The following FAM8A1 variants were observed in gnomAD, a reference collection of about 807,000 sequenced individuals.
FAM8A1 encodes protein FAM8A1.
In FAM8A1, 18 loss-of-function variants were observed where a neutral mutation model predicts 38.3. The ratio of observed to expected loss-of-function variants is 0.47; its 90% CI spans 0.33 to 0.70. FAM8A1 has a LOEUF of 0.70. Among genes scored for constraint, FAM8A1 ranks in the 30% least tolerant of loss-of-function variants. The pLI is 0.03. For missense variants in FAM8A1, 559 were observed against 559.6 expected (o/e 1.00, Z 0.01); for synonymous variants, 246 against 234.4 (o/e 1.05, Z -0.45).
At chr6:17,607,449 A>G (rs1395675546) in intron 4 of FAM8A1, among the ~76,000 whole-genome samples, 2 of 43,674 alleles carry the variant, frequency 4.6e-5, no homozygotes, top group Non-Finnish European at 1.1e-4. Flanking sequence ...ATAGTATCAT[A>G]AGATACTATA....
intron 4 of FAM8A1, among the ~76,000 whole-genome samples, chr6:17,606,447 G>A (rs550057648): frequency 6.4e-4 from 97 of 152,202 alleles, no homozygotes; most frequent in Non-Finnish European, 9.9e-4. Flanking sequence ...TGATCCACCC[G>A]CCTCCGCCTC....
chr6:17,601,228 T>C, intron 1 of FAM8A1, 107 bp downstream of exon 1: 2 of 1,393,472 alleles, frequency 1.4e-6, no homozygotes, highest in East Asian at 2.5e-5. Context: ...CTACTCTGAT[T>C]GACTATCCTG....
intron 3 of FAM8A1, 104 bp downstream of exon 3, chr6:17,605,133 T>C (rs907363717): frequency 2.9e-6 from 3 of 1,032,842 alleles, no homozygotes; most frequent in Non-Finnish European, 4.0e-6. Context: ...CAGGCTGGAG[T>C]GCAGTGGTGT....
At position 17,600,924 on chromosome 6, in the gene FAM8A1, A is replaced by C; in HGVS notation, c.515A>C (p.Tyr172Ser). Residue 172 changes from tyrosine (Y) to serine (S), a missense_variant, in exon 1 of 5, where the codon TAC (tyrosine) becomes TCC (serine). By Grantham distance (144) the Tyr-to-Ser change is moderately radical (BLOSUM62 -2). Around this residue, in one of 2 missense-constraint regions of FAM8A1, gnomAD observed 393 missense variants for 338.9 expected, o/e 1.16. Coordinates refer to ENST00000259963, the MANE Select transcript of FAM8A1 (RefSeq NM_016255.3). Reference protein sequence around the residue: ...AAPPPPQLGYYNPFYFLSPGA... With the variant: ...AAPPPPQLGYSNPFYFLSPGA... ...CCGCCGCCCCCGCAGCTGGGCTATT[A>C]CAACCCCTTCTACTTCCTGAGCCCC... 6.3e-7 allele frequency: 1 copy of C among 1,593,416 alleles called. No individual in the cohort carries two copies. The highest frequency in any genetic ancestry group is 8.5e-7 in the Non-Finnish European group (1 of 1,172,592).
At chr6:17,602,758 G>T in intron 2 of FAM8A1, 48 bp downstream of exon 2, 1 of 1,569,030 alleles carries the variant, frequency 6.4e-7, no homozygotes, top group Non-Finnish European at 8.6e-7. Context: ...ACTGTTTAAT[G>T]ATCTTGTTTT....
chr6:17,606,480 G>A (rs1764055025), intron 4 of FAM8A1, among the ~76,000 whole-genome samples: 3 of 152,148 alleles, frequency 2.0e-5, no homozygotes, highest in Admixed American at 2.0e-4. Context: ...GATTACAGAC[G>A]TGAGCCACCA....
intron 2 of FAM8A1, among the ~76,000 whole-genome samples, chr6:17,602,967 A>G (rs569124284): frequency 1.3e-5 from 2 of 152,334 alleles, no homozygotes; most frequent in South Asian, 4.1e-4. Context: ...AGAGCCTCCA[A>G]ACCTGCTTTG....
rs746293741 is a variant in FAM8A1, at chr6:17,600,594, C to G, written c.185C>G (p.Ala62Gly). 6 of 1,491,860 alleles carry G rather than the reference C, an allele frequency of 4.0e-6. No individual in the cohort carries two copies. Among genetic ancestry groups the G allele is most frequent in the Admixed American group, 2.5e-5 (1 of 40,346 alleles). 92.4% of individuals were successfully genotyped at this position (1,491,860 alleles called of 1,614,324 possible). A position where few individuals can be genotyped will look rare whatever the true frequency, so the allele number is the denominator to read the frequency against. ...ACAGCCCCGGGCCTCGCGGCTGCCG[C>G]CGCAGCCGACAAATTGGAGCCGCCG... ...RPTAPGLAAA[A>G]AADKLEPPRE... Residue 62 changes from alanine to glycine, a missense_variant, in exon 1 of 5, where the codon GCC (alanine) becomes GGC (glycine). Transcript: ENST00000259963.
chr6:17,604,872 ATTAT>A, intron 2 of FAM8A1, 30 bp from the exon 3 acceptor site: 1 of 1,526,634 alleles, frequency 6.6e-7, no homozygotes, highest in Non-Finnish European at 8.8e-7. Flanking sequence ...CTGGTAACTA[ATTAT>A]TTATAACCCC....
At chr6:17,602,757 T>C (rs1340442874) in intron 2 of FAM8A1, 47 bp downstream of exon 2, 3 of 1,572,174 alleles carry the variant, frequency 1.9e-6, no homozygotes, top group Non-Finnish European at 2.6e-6. Flanking sequence ...TACTGTTTAA[T>C]GATCTTGTTT....
rs1480433064 is a variant in FAM8A1, at chr6:17,600,504, C to T, written c.95C>T (p.Pro32Leu). ...HEPVPSLRGP[P>L]TTAVPCPRDD... is the part of the protein sequence containing the mutation. ...CCCGTCCCTTCCCTGAGAGGCCCTC[C>T]TACCACCGCCGTCCCATGCCCCCGC... The change falls in exon 1 of 5, where the codon CCT (proline) becomes CTT (leucine). Residue 32 changes from proline to leucine, a missense_variant. Around this residue, in one of 2 missense-constraint regions of FAM8A1, gnomAD observed 393 missense variants for 338.9 expected, o/e 1.16. Coordinates refer to ENST00000259963, the MANE Select transcript of FAM8A1 (RefSeq NM_016255.3). The T allele has an allele frequency of 6.5e-7, 1 of 1,535,094 alleles. No individual in the cohort carries two copies. The highest frequency in any genetic ancestry group is 1.2e-5 in the South Asian group (1 of 81,466).
At position 17,608,940 on chromosome 6, in the gene FAM8A1, A is replaced by T. The variant is rs1017524035; in HGVS notation, c.*601A>T. ...AATCCATACTGCAGTTCCCTCTCGT[A>T]ATGATGTAACTTTACAACTATTCTT... On this transcript the variant is annotated 3_prime_UTR_variant, in exon 5 of 5. Coordinates refer to ENST00000259963, the MANE Select transcript of FAM8A1 (RefSeq NM_016255.3). 1 of 152,184 alleles carries T rather than the reference A, an allele frequency of 6.6e-6. No homozygotes were observed. The highest frequency in any genetic ancestry group is 2.4e-5 in the African/African-American group (1 of 41,434). The allele number at this position is 152,184 out of a possible 1,614,324, so 9.4% of individuals were successfully genotyped here.
chr6:17,604,988 G>C lies in FAM8A1; in HGVS notation c.916G>C (p.Val306Leu). The C allele has an allele frequency of 6.2e-7, 1 of 1,611,744 alleles. No homozygotes were observed. The highest frequency in any genetic ancestry group is 2.2e-5 in the East Asian group (1 of 44,732). Residue 306 changes from valine (V) to leucine (L), a missense_variant, in exon 3 of 5, where the codon GTT becomes CTT. Physicochemically the swap from Val to Leu is conservative, Grantham distance 32. This residue lies in a region of FAM8A1 where 166 missense variants were observed against 220.8 expected (regional missense o/e 0.75). Transcript: ENST00000259963. ...AATGGAAGACTTGCAGAAAATGATG[G>C]TTGTGGCACTTATATACAGATTATT... ...TSMEDLQKMMVVALIYRLLVC... is the reference protein window; with the variant it reads ...TSMEDLQKMMLVALIYRLLVC...
At position 17,609,245 on chromosome 6, in the gene FAM8A1, T is replaced by C. The variant is rs142986890; in HGVS notation, c.*906T>C. 167 of 152,262 alleles carry C rather than the reference T, an allele frequency of 1.1e-3. No homozygotes were observed. The highest frequency in any genetic ancestry group is 3.6e-3 in the African/African-American group (149 of 41,550). 9.4% of individuals were successfully genotyped at this position (152,262 alleles called of 1,614,324 possible). The stretch of plus-strand genomic sequence containing the variant: ...GTATGTGTGCAGCATGAAGAAAGTA[T>C]TAGTGCTTCTCAGTGTTCTCAGTGT... On this transcript the variant is annotated 3_prime_UTR_variant, in exon 5 of 5. Coordinates refer to ENST00000259963, the MANE Select transcript of FAM8A1 (RefSeq NM_016255.3).
At position 17,610,526 on chromosome 6, in the gene FAM8A1, G is replaced by A. The variant is rs1244730001; in HGVS notation, c.*2187G>A. On this transcript the variant is annotated 3_prime_UTR_variant, in exon 5 of 5. Transcript: ENST00000259963. ...AATTCAGTATTTGCACCGAGATTTT[G>A]ATTCCCAAAGTTTGGAAAAAAATGA... 1 of 152,060 alleles carries A rather than the reference G, an allele frequency of 6.6e-6. No individual in the cohort carries two copies. The highest frequency in any genetic ancestry group is 1.5e-5 in the Non-Finnish European group (1 of 67,972). The allele number at this position is 152,060 out of a possible 1,614,324, so 9.4% of individuals were successfully genotyped here. A position where few individuals can be genotyped will look rare whatever the true frequency, so the allele number is the denominator to read the frequency against.
Position 17,600,816 on chromosome 6 carries a change from C to A in FAM8A1, c.407C>A (p.Ala136Asp). 1 of 1,610,892 alleles carries A rather than the reference C, an allele frequency of 6.2e-7. No homozygotes were observed. The highest frequency in any genetic ancestry group is 8.5e-7 in the Non-Finnish European group (1 of 1,179,698). ...CGYLTWHSGL[A>D]AFPAYCSPQP... Reference sequence around the variant, plus strand: ...TACCTCACCTGGCACAGCGGCCTGGCCGCCTTCCCAGCCTACTGCAGCCCC... The same window carrying A: ...TACCTCACCTGGCACAGCGGCCTGGACGCCTTCCCAGCCTACTGCAGCCCC... Residue 136 changes from alanine to aspartate, a missense_variant, in exon 1 of 5, where the codon GCC (alanine) becomes GAC (aspartate). Coordinates refer to ENST00000259963, the MANE Select transcript of FAM8A1 (RefSeq NM_016255.3).
Position 17,600,653 on chromosome 6 carries a change from G to A in FAM8A1, c.244G>A (p.Gly82Ser). 1 of 1,555,746 alleles carries A rather than the reference G, an allele frequency of 6.4e-7. No homozygotes were observed. Among genetic ancestry groups the A allele is most frequent in the African/African-American group, 1.4e-5 (1 of 69,848 alleles). Residue 82 changes from glycine (G) to serine (S), a missense_variant, in exon 1 of 5, where the codon GGC becomes AGC. Transcript: ENST00000259963. ...CAGGAAGCGCGGGGAGGCGGCCTCC[G>A]GCTCCGGTGCAGAGCTGCAGGAGCA... Reference protein sequence around the residue: ...ELRKRGEAASGSGAELQEQAG... With the variant: ...ELRKRGEAASSSGAELQEQAG...
At chr6:17,602,523 G>T in intron 1 of FAM8A1, 67 bp from the exon 2 acceptor site, 3 of 1,437,994 alleles carry the variant, frequency 2.1e-6, no homozygotes, top group South Asian at 1.4e-5. Flanking sequence ...TCATTACATG[G>T]CTTGTGTTCC....
At position 17,610,799 on chromosome 6, in the gene FAM8A1, G is replaced by A. The variant is rs1485471214; in HGVS notation, c.*2460G>A. 1.3e-5 allele frequency: 2 copies of A among 152,124 alleles called. No homozygotes were observed. Among genetic ancestry groups the A allele is most frequent in the Non-Finnish European group, 1.5e-5 (1 of 67,990 alleles). 9.4% of individuals were successfully genotyped at this position (152,124 alleles called of 1,614,324 possible). A position where few individuals can be genotyped will look rare whatever the true frequency, so the allele number is the denominator to read the frequency against. The stretch of plus-strand genomic sequence containing the variant: ...AAAATTTAGTATTCAAGCTGAGTGA[G>A]AATACTGTTTCAATGAGCATGTCCC... On this transcript the variant is annotated 3_prime_UTR_variant, in exon 5 of 5. Transcript: ENST00000259963.
Sources: allele counts gnomAD v4.1 joint callset (sites outside exome capture counted in the v4.1 genomes callset), GRCh38; gene constraint gnomAD v4.1.1; regional missense constraint gnomAD v4.1.1; transcripts MANE v1.5; gene names NCBI Gene and HGNC (gene_info 2026-07-23, HGNC 2026-07-21).